Variants in STAT4 observed in about 807,000 individuals in gnomAD.
The protein encoded by STAT4 is signal transducer and activator of transcription 4.
A neutral mutation model predicts 110.5 loss-of-function variants in STAT4; 42 were observed. The observed-to-expected ratio is 0.38, with a 90% CI of 0.30 to 0.49. The LOEUF is 0.49. Ranked by LOEUF, STAT4 falls within the 20% of genes least tolerant of loss-of-function variation. The pLI is 0.95. For missense variants in STAT4, 632 were observed against 887.9 expected (o/e 0.71, Z 3.66); for synonymous variants, 284 against 302.2 (o/e 0.94, Z 0.63).
At chr2:191,094,380 C>G (rs1697897672) in intron 3 of STAT4, among the ~76,000 whole-genome samples, 2 of 152,218 alleles carry the variant, frequency 1.3e-5, no homozygotes, top group Admixed American at 6.5e-5. Flanking sequence ...ATCAGACTAA[C>G]AGCGTATCTC....
At chr2:191,123,278 A>G (rs1194411408) in intron 3 of STAT4, among the ~76,000 whole-genome samples, 1 of 152,044 alleles carries the variant, frequency 6.6e-6, no homozygotes, top group Non-Finnish European at 1.5e-5. Context: ...GGAGTTGGGG[A>G]TGGTTCAGAA....
chr2:191,125,331 C>T (rs376869310), intron 3 of STAT4, among the ~76,000 whole-genome samples: 6 of 151,890 alleles, frequency 4.0e-5, no homozygotes, highest in Non-Finnish European at 7.4e-5. Context: ...TGGCTACCTG[C>T]GTAACTTTAC....
chr2:191,151,341 C>T (rs1699585767), upstream of STAT4: 1 of 985,478 alleles, frequency 1.0e-6, no homozygotes, highest in Admixed American at 6.1e-5. This position sits in a 1 kb window ranked among gnomAD's most constrained non-coding sequence, Gnocchi z 4.7. Flanking sequence ...TACCTGGAGC[C>T]CAGTTCTTCA....
chr2:191,058,308 T>C lies in STAT4; in HGVS notation c.1095-89A>G. The C allele has an allele frequency of 1.5e-6, 2 of 1,309,200 alleles. No individual in the cohort carries two copies. The highest frequency in any genetic ancestry group is 2.7e-4 in the Middle Eastern group (1 of 3,728). The allele number at this position is 1,309,200 out of a possible 1,614,324, so 81.1% of individuals were successfully genotyped here. A position where few individuals can be genotyped will look rare whatever the true frequency, so the allele number is the denominator to read the frequency against. The stretch of plus-strand genomic sequence containing the variant: ...ATAGTTTATTTTATTTATTTATTTA[T>C]TTATTTTGAGACAGAGTCTCGCTCT... On this transcript the variant is annotated intron_variant, in intron 11 of 23. Coordinates refer to ENST00000392320, the MANE Select transcript of STAT4 (RefSeq NM_003151.4). The surrounding 1 kb of genome is among the most constrained non-coding windows in gnomAD (Gnocchi z 4.3).
intron 14 of STAT4, among the ~76,000 whole-genome samples, chr2:191,052,493 T>C (rs959865432): frequency 1.3e-5 from 2 of 152,200 alleles, no homozygotes; most frequent in Admixed American, 1.3e-4. Context: ...GCAATATAAG[T>C]AGACAGTGTT....
At position 191,113,837 on chromosome 2, in the gene STAT4, G is replaced by T. The variant is rs1017924232; in HGVS notation, c.273+32776C>A. On this transcript the variant is annotated intron_variant, in intron 3 of 23. Coordinates refer to ENST00000392320, the MANE Select transcript of STAT4 (RefSeq NM_003151.4). This position sits in a 1 kb window ranked among gnomAD's most constrained non-coding sequence, Gnocchi z 4.8. ...CCCAAGAGTAGCAGAGAACATTACAGAAATGTTACAGAAATAGAGAAAGTG... is the reference window on the plus strand; with the variant it reads ...CCCAAGAGTAGCAGAGAACATTACATAAATGTTACAGAAATAGAGAAAGTG... Among the ~76,000 whole-genome samples, 2 of 152,120 alleles carry T rather than the reference G, an allele frequency of 1.3e-5. No individual in the cohort carries two copies. The highest frequency in any genetic ancestry group is 4.1e-4 in the South Asian group (2 of 4,830).
chr2:191,148,270 C>A, intron 1 of STAT4, 66 bp from the exon 2 acceptor site: 1 of 1,546,400 alleles, frequency 6.5e-7, no homozygotes, highest in African/African-American at 1.4e-5. Context: ...ATATTTTCTT[C>A]TTTCCTTAGA....
In STAT4 at chr2:191,041,168, A is replaced by G. The variant is rs745833609; in HGVS notation, c.1252-20T>C. The G allele has an allele frequency of 2.2e-6, 3 of 1,380,528 alleles. No individual in the cohort carries two copies. The highest frequency in any genetic ancestry group is 4.1e-5 in the South Asian group (2 of 48,262). 85.5% of individuals were successfully genotyped at this position (1,380,528 alleles called of 1,614,324 possible). On this transcript the variant is annotated intron_variant, in intron 14 of 23. Transcript: ENST00000392320. ...ACAGCCCTAAGGAAGAGAGAAATAA[A>G]TTGTTACCTCACAAATGCATACTCA... is the stretch of plus-strand genomic sequence containing the variant.
At chr2:191,118,421 A>T (rs924624446) in intron 3 of STAT4, among the ~76,000 whole-genome samples, 1 of 152,204 alleles carries the variant, frequency 6.6e-6, no homozygotes, top group Non-Finnish European at 1.5e-5. Flanking sequence ...AAAATCAAAA[A>T]TTGGTGAGAT....
upstream of STAT4, chr2:191,151,537 ACCAGTGCTTG>A: frequency 1.0e-6 from 1 of 985,540 alleles, no homozygotes; most frequent in South Asian, 4.7e-5. This position sits in a 1 kb window ranked among gnomAD's most constrained non-coding sequence, Gnocchi z 4.7. Flanking sequence ...TGGGTAGGCC[ACCAGTGCTTG>A]CCCTTCCTGA....
chr2:191,149,640 A>T (rs1160268547), intron 1 of STAT4, among the ~76,000 whole-genome samples: 1 of 152,166 alleles, frequency 6.6e-6, no homozygotes, highest in Non-Finnish European at 1.5e-5. Flanking sequence ...CTAAGGGACA[A>T]CCTGAGGTTT....
At chr2:191,130,210 GTCTA>G (rs148522854) in intron 3 of STAT4, among the ~76,000 whole-genome samples, 25,429 of 141,746 alleles carry the variant, frequency 0.18, 2,441 homozygotes, top group East Asian at 0.27. Context: ...TTGGCTTTCA[GTCTA>G]TCTCCCTTTT....
At position 191,150,280 on chromosome 2, in the gene STAT4, G is replaced by A. The variant is rs1436552359; in HGVS notation, c.-2+667C>T. Among the ~76,000 whole-genome samples the A allele has an allele frequency of 1.3e-5, 2 of 152,186 alleles. No individual in the cohort carries two copies. The highest frequency in any genetic ancestry group is 2.4e-5 in the African/African-American group (1 of 41,444). On this transcript the variant is annotated intron_variant, in intron 1 of 23. Transcript: ENST00000392320. This position sits in a 1 kb window ranked among gnomAD's most constrained non-coding sequence, Gnocchi z 6.4. ...AGGACATTTTCTATTGCAGCCTCTG[G>A]GAACGCCTTTAGACATCCTTCAGCA...
intron 3 of STAT4, among the ~76,000 whole-genome samples, chr2:191,133,288 C>T (rs2125422822): frequency 6.6e-6 from 1 of 151,588 alleles, no homozygotes; most frequent in East Asian, 1.9e-4. Context: ...TGTCTAGGCA[C>T]ACTGTCCAGG....
intron 3 of STAT4, among the ~76,000 whole-genome samples, chr2:191,103,529 C>G (rs981593776): frequency 6.6e-6 from 1 of 152,056 alleles, no homozygotes; most frequent in Non-Finnish European, 1.5e-5. Context: ...CTTCAGGGAG[C>G]TAAATCTCTT....
chr2:191,040,293 T>C (rs998123242), intron 15 of STAT4, among the ~76,000 whole-genome samples: 10 of 152,236 alleles, frequency 6.6e-5, no homozygotes, highest in Admixed American at 3.3e-4. Context: ...AATGTTCCTA[T>C]TATTTGTCTT....
intron 3 of STAT4, among the ~76,000 whole-genome samples, chr2:191,130,799 T>G (rs1489542263): frequency 6.6e-6 from 1 of 151,706 alleles, no homozygotes; most frequent in African/African-American, 2.4e-5. Context: ...CATTTCTATG[T>G]GTTTATAGTG....
chr2:191,073,485 G>T (rs553278615), intron 4 of STAT4, among the ~76,000 whole-genome samples: 1 of 152,284 alleles, frequency 6.6e-6, no homozygotes, highest in African/African-American at 2.4e-5. Context: ...TCAAGAGTTT[G>T]AGACCAGCCT....
chr2:191,054,285 G>T (rs1311722667), intron 14 of STAT4, among the ~76,000 whole-genome samples: 3 of 151,990 alleles, frequency 2.0e-5, no homozygotes, highest in African/African-American at 7.3e-5. Context: ...TCTTTGGAGG[G>T]TGTTGATAAC....
Sources: gnomAD v4.1 joint callset for allele counts (sites outside exome capture counted in the v4.1 genomes callset) on GRCh38, gnomAD v4.1.1 for gene constraint, Gnocchi (gnomAD v3.1) non-coding constraint, MANE v1.5 for transcripts, NCBI Gene and HGNC (gene_info 2026-07-23, HGNC 2026-07-21) for gene names.